AKR1C8: variants seen among roughly 807,000 people sequenced by gnomAD.
AKR1C8 encodes the protein aldo-keto reductase family 1 member C8, also known as aldo-keto reductase family 1 member C-like protein 1.
At chr10:5,158,513 T>A in the AKR1C8 span, 1 of 405,870 alleles carries the variant, frequency 2.5e-6, no homozygotes. Flanking sequence ...TTTTTTATAA[T>A]ACAATTTTTA....
the AKR1C8 span, among the ~76,000 whole-genome samples, chr10:5,126,090 G>GA: frequency 6.6e-6 from 1 of 152,168 alleles, no homozygotes; most frequent in Admixed American, 6.5e-5. Context: ...ATTCAGTAGG[G>GA]AAAGTCTAAA....
the AKR1C8 span, among the ~76,000 whole-genome samples, chr10:5,179,351 G>A: frequency 1.6e-4 from 25 of 152,110 alleles, no homozygotes; most frequent in African/African-American, 4.1e-4. Flanking sequence ...AGAGATCTGC[G>A]TTAGTCTGAT....
chr10:5,175,609 C>T, the AKR1C8 span, among the ~76,000 whole-genome samples: 1 of 152,222 alleles, frequency 6.6e-6, no homozygotes, highest in African/African-American at 2.4e-5. Flanking sequence ...AAAAGTGTTA[C>T]TATTTCTCCA....
At chr10:5,161,667 A>AG in the AKR1C8 span, 1 of 532,294 alleles carries the variant, frequency 1.9e-6, no homozygotes, top group East Asian at 5.5e-5. Context: ...AAGGATAGAC[A>AG]GAAAATCTTG....
At chr10:5,176,816 G>A in the AKR1C8 span, among the ~76,000 whole-genome samples, 22 of 152,222 alleles carry the variant, frequency 1.4e-4, no homozygotes, top group Middle Eastern at 3.4e-3. Flanking sequence ...TGTGATTTTT[G>A]TACATTGAGT....
At chr10:5,158,943 CT>C in the AKR1C8 span, among the ~76,000 whole-genome samples, 1 of 152,104 alleles carries the variant, frequency 6.6e-6, no homozygotes, top group South Asian at 2.1e-4. Context: ...ATTAAAATAC[CT>C]TGTGCCCCAA....
the AKR1C8 span, among the ~76,000 whole-genome samples, chr10:5,122,962 A>G: frequency 6.6e-6 from 1 of 152,224 alleles, no homozygotes; most frequent in Non-Finnish European, 1.5e-5. Context: ...TTTGGAGACT[A>G]GAGAACACCT....
chr10:5,143,904 T>C, the AKR1C8 span, among the ~76,000 whole-genome samples: 7 of 151,910 alleles, frequency 4.6e-5, no homozygotes, highest in Non-Finnish European at 1.0e-4. Flanking sequence ...AACTTGAGAA[T>C]ACTAAAGACT....
chr10:5,161,682 TAG>T, the AKR1C8 span: 2 of 532,740 alleles, frequency 3.8e-6, no homozygotes, highest in Non-Finnish European at 7.7e-6. Context: ...ATCTTGATGG[TAG>T]AGTCACTCAA....
chr10:5,133,146 A>C, the AKR1C8 span, among the ~76,000 whole-genome samples: 2 of 152,170 alleles, frequency 1.3e-5, no homozygotes, highest in Non-Finnish European at 2.9e-5. Context: ...ACAGTGGCAC[A>C]ATCTCAGCTC....
the AKR1C8 span, among the ~76,000 whole-genome samples, chr10:5,144,033 C>T: frequency 3.3e-5 from 5 of 151,976 alleles, no homozygotes; most frequent in Admixed American, 2.0e-4. Flanking sequence ...ATTGGTAACT[C>T]TATATATGAT....
At chr10:5,136,407 G>T in the AKR1C8 span, among the ~76,000 whole-genome samples, 1 of 151,952 alleles carries the variant, frequency 6.6e-6, no homozygotes, top group Non-Finnish European at 1.5e-5. Context: ...AATTAGCCAC[G>T]TGTGGTGGCA....
At chr10:5,183,333 C>T in the AKR1C8 span, among the ~76,000 whole-genome samples, 6 of 152,198 alleles carry the variant, frequency 3.9e-5, no homozygotes, top group African/African-American at 1.4e-4. Flanking sequence ...AAAAACTAAG[C>T]AAAACCAAGC....
At chr10:5,115,912 A>C in the AKR1C8 span, among the ~76,000 whole-genome samples, 29,467 of 152,076 alleles carry the variant, frequency 0.19, 3,782 homozygotes, top group East Asian at 0.63. Flanking sequence ...GCAGTTGGTC[A>C]CATGGTCATA....
the AKR1C8 span, among the ~76,000 whole-genome samples, chr10:5,126,283 A>G: frequency 7.6e-4 from 115 of 152,240 alleles, no homozygotes; most frequent in Non-Finnish European, 5.9e-4. Context: ...CCACAGGAGG[A>G]GCACTCCCCA....
chr10:5,132,094 G>T, the AKR1C8 span, among the ~76,000 whole-genome samples: 1 of 152,128 alleles, frequency 6.6e-6, no homozygotes, highest in Admixed American at 6.6e-5. Context: ...ACCAAACACA[G>T]TACCTTCTCA....
chr10:5,175,506 A>C, the AKR1C8 span, among the ~76,000 whole-genome samples: 1 of 151,932 alleles, frequency 6.6e-6, no homozygotes, highest in East Asian at 1.9e-4. Context: ...TGGGATGGCT[A>C]GGTCAAATGG....
At chr10:5,139,343 G>C in the AKR1C8 span, among the ~76,000 whole-genome samples, 1 of 152,132 alleles carries the variant, frequency 6.6e-6, no homozygotes. Flanking sequence ...GCATTGCCAA[G>C]ACAATCCTAA....
At chr10:5,161,944 A>T in the AKR1C8 span, 4 of 534,412 alleles carry the variant, frequency 7.5e-6, no homozygotes, top group Admixed American at 7.8e-5. Flanking sequence ...CGGGTGAACC[A>T]ATTCTGCCCG....
Sources: allele counts gnomAD v4.1 joint callset (sites outside exome capture counted in the v4.1 genomes callset), GRCh38; gene constraint gnomAD v4.1.1; transcripts MANE v1.5; gene names NCBI Gene and HGNC (gene_info 2026-07-23, HGNC 2026-07-21).